Variants in SPATA17 observed in about 807,000 individuals in gnomAD.
SPATA17 encodes spermatogenesis associated 17.
In SPATA17, 53 loss-of-function variants were observed where a neutral mutation model predicts 62.2. That is an observed-to-expected ratio of 0.85 (90% CI 0.68 to 1.07). The LOEUF is 1.07. SPATA17 is among the 50% of genes least tolerant of loss of function. The pLI, the probability that SPATA17 is intolerant of heterozygous loss-of-function variation, is 0.00. For missense variants in SPATA17, 466 were observed against 425.5 expected (o/e 1.10, Z -0.84); for synonymous variants, 146 against 146.8 (o/e 0.99, Z 0.04).
intron 6 of SPATA17, among the ~76,000 whole-genome samples, chr1:217,746,642 G>A (rs991259927): frequency 2.0e-5 from 3 of 151,706 alleles, no homozygotes; most frequent in Admixed American, 6.6e-5. Flanking sequence ...TTAAAGTCAG[G>A]TTTAAGCCTA....
chr1:217,817,875 C>G (rs891257072), intron 9 of SPATA17, among the ~76,000 whole-genome samples: 1 of 152,000 alleles, frequency 6.6e-6, no homozygotes, highest in Non-Finnish European at 1.5e-5. Flanking sequence ...CTTTATGAAG[C>G]ATTTTGTATT....
chr1:217,834,140 A>G (rs778043319), intron 9 of SPATA17, among the ~76,000 whole-genome samples: 64 of 152,286 alleles, frequency 4.2e-4, no homozygotes, highest in Middle Eastern at 3.4e-3. Flanking sequence ...GCCACATTGC[A>G]TTACTCACAC....
At chr1:217,728,418 A>G (rs1185731280) in intron 5 of SPATA17, among the ~76,000 whole-genome samples, 1 of 152,172 alleles carries the variant, frequency 6.6e-6, no homozygotes, top group Non-Finnish European at 1.5e-5. Context: ...TAAAGAATGA[A>G]TAGTTATCTC....
At chr1:217,694,933 C>G (rs1326070684) in intron 5 of SPATA17, among the ~76,000 whole-genome samples, 2 of 140,968 alleles carry the variant, frequency 1.4e-5, no homozygotes, top group East Asian at 4.4e-4. Context: ...ACATTTTTTC[C>G]TTCATTTCAA....
At chr1:217,633,680 T>C (rs1652617200) in intron 1 of SPATA17, among the ~76,000 whole-genome samples, 1 of 152,214 alleles carries the variant, frequency 6.6e-6, no homozygotes, top group Non-Finnish European at 1.5e-5. Flanking sequence ...TTGAGTGTAC[T>C]GTCCCAAATC....
chr1:217,806,816 G>T (rs905570394), intron 9 of SPATA17, among the ~76,000 whole-genome samples: 4 of 152,044 alleles, frequency 2.6e-5, no homozygotes, highest in African/African-American at 9.7e-5. Context: ...CTTCTTAAAA[G>T]CTCTGTCTCC....
chr1:217,676,377 A>G (rs1670946730), intron 4 of SPATA17, among the ~76,000 whole-genome samples: 1 of 152,144 alleles, frequency 6.6e-6, no homozygotes, highest in South Asian at 2.1e-4. Flanking sequence ...TTTGAAATTT[A>G]AAAGTCTGTG....
intron 3 of SPATA17, among the ~76,000 whole-genome samples, chr1:217,663,993 G>C (rs1290386594): frequency 3.9e-5 from 6 of 152,010 alleles, no homozygotes. Context: ...ATCCATACTA[G>C]ATTTGTTTAG....
At chr1:217,821,403 G>T (rs533208499) in intron 9 of SPATA17, among the ~76,000 whole-genome samples, 38 of 152,138 alleles carry the variant, frequency 2.5e-4, no homozygotes, top group Non-Finnish European at 3.7e-4. Flanking sequence ...AAAAGTCAAG[G>T]AAAGATAATG....
intron 4 of SPATA17, among the ~76,000 whole-genome samples, chr1:217,670,969 A>AG (rs1455420052): frequency 7.9e-5 from 12 of 151,420 alleles, no homozygotes; most frequent in African/African-American, 1.2e-4. Context: ...AAAAAAAAAA[A>AG]AAAGAAATCC....
At chr1:217,709,860 T>C (rs1228938536) in intron 5 of SPATA17, among the ~76,000 whole-genome samples, 1 of 152,226 alleles carries the variant, frequency 6.6e-6, no homozygotes. Context: ...ATTTCAATCT[T>C]TAATGTTGTC....
rs751575475 is a variant in SPATA17, at chr1:217,651,160, A to G, written c.222A>G (p.Gln74=). 16 of 1,609,464 alleles carry G rather than the reference A, an allele frequency of 9.9e-6. No homozygotes were observed. The highest frequency in any genetic ancestry group is 1.3e-5 in the African/African-American group (1 of 74,746). Reference sequence around the variant, plus strand: ...GGAGAAGTTTCTTAGGCAGAAAGCAATATCAACTAACTGTGCAGGTAAATA... The same window carrying G: ...GGAGAAGTTTCTTAGGCAGAAAGCAGTATCAACTAACTGTGCAGGTAAATA... ...KWWRSFLGRK[Q]YQLTVQVAYY... The change falls in exon 3 of 11, where the codon CAA becomes CAG. Residue 74 remains glutamine, a synonymous_variant. Transcript: ENST00000366933.
At chr1:217,792,741 G>A (rs1470284804) in intron 8 of SPATA17, among the ~76,000 whole-genome samples, 1 of 152,112 alleles carries the variant, frequency 6.6e-6, no homozygotes, top group Non-Finnish European at 1.5e-5. Flanking sequence ...GACCACGACT[G>A]TGGTCTCGGG....
At chr1:217,718,002 A>G (rs917178259) in intron 5 of SPATA17, among the ~76,000 whole-genome samples, 2 of 152,342 alleles carry the variant, frequency 1.3e-5, no homozygotes, top group African/African-American at 4.8e-5. Context: ...GTAGGGCTTT[A>G]GCTAGAGATA....
intron 9 of SPATA17, among the ~76,000 whole-genome samples, chr1:217,821,817 G>T (rs1674870294): frequency 6.6e-6 from 1 of 152,040 alleles, no homozygotes; most frequent in Non-Finnish European, 1.5e-5. Flanking sequence ...CAGAAGTAAT[G>T]CTAAGGGGAG....
At chr1:217,707,230 A>G (rs984663500) in intron 5 of SPATA17, among the ~76,000 whole-genome samples, 5 of 151,770 alleles carry the variant, frequency 3.3e-5, no homozygotes, top group Non-Finnish European at 7.4e-5. Flanking sequence ...CTCGGCTTGG[A>G]TGTTGTTGGT....
At chr1:217,711,296 C>G (rs1671856059) in intron 5 of SPATA17, among the ~76,000 whole-genome samples, 1 of 152,138 alleles carries the variant, frequency 6.6e-6, no homozygotes, top group Non-Finnish European at 1.5e-5. Context: ...CCCCTTCCCA[C>G]CCCGCACTGC....
intron 6 of SPATA17, among the ~76,000 whole-genome samples, chr1:217,742,313 A>G (rs1672642224): frequency 6.6e-6 from 1 of 152,228 alleles, no homozygotes; most frequent in African/African-American, 2.4e-5. Context: ...ATGCTGGCAG[A>G]AAGGTCCAAG....
chr1:217,681,603 T>G (rs964040374), intron 4 of SPATA17, among the ~76,000 whole-genome samples: 13 of 152,072 alleles, frequency 8.5e-5, no homozygotes, highest in Non-Finnish European at 1.5e-4. Flanking sequence ...TTTACCATAT[T>G]GGCCAGGCTG....
Sources: allele counts gnomAD v4.1 joint callset (sites outside exome capture counted in the v4.1 genomes callset), GRCh38; gene constraint gnomAD v4.1.1; transcripts MANE v1.5; gene names NCBI Gene and HGNC (gene_info 2026-07-23, HGNC 2026-07-21).